Variants in PHACTR2 observed in about 807,000 individuals in gnomAD.
The protein encoded by PHACTR2 is phosphatase and actin regulator 2.
In PHACTR2, 30 loss-of-function variants were observed where a neutral mutation model predicts 76.0. The observed-to-expected ratio is 0.39, with a 90% CI of 0.30 to 0.54. The LOEUF is 0.54. Among genes scored for constraint, PHACTR2 ranks in the 20% least tolerant of loss-of-function variants. PHACTR2 has a pLI of 0.61. For missense variants in PHACTR2, 696 were observed against 781.1 expected, an observed-to-expected ratio of 0.89 and a Z score of 1.30; for synonymous variants, 292 against 292.5, an observed-to-expected ratio of 1.00 and a Z score of 0.02.
Position 143,827,176 on chromosome 6 carries a change from A to ATATATATATATATATATATATATGTATAT in PHACTR2, c.*3496_*3524dup, listed in dbSNP as rs1776558318. ...AGAAAATATATATATATATATATATATATATATATATATATATATATATGT... is the reference window on the plus strand; with the variant it reads ...AGAAAATATATATATATATATATATATATATATATATATATATATATATGTATATTATATATATATATATATATATATGT... On this transcript the variant is annotated 3_prime_UTR_variant, in exon 13 of 13. Coordinates refer to ENST00000440869, the MANE Select transcript of PHACTR2 (RefSeq NM_001100164.2). 1 of 126,452 alleles carries ATATATATATATATATATATATATGTATAT rather than the reference A, an allele frequency of 7.9e-6. No individual in the cohort carries two copies. The highest frequency in any genetic ancestry group is 3.1e-5 in the African/African-American group (1 of 32,512). The allele number at this position is 126,452 out of a possible 1,614,324, so 7.8% of individuals were successfully genotyped here.
intron 10 of PHACTR2, among the ~76,000 whole-genome samples, chr6:143,786,285 A>G (rs1775556154): frequency 3.9e-5 from 6 of 152,236 alleles, no homozygotes; most frequent in Admixed American, 3.3e-4. Flanking sequence ...TTTTTGCTAA[A>G]ACATAATAAG....
rs565000086 is a variant in PHACTR2 at position 143,753,546 on chromosome 6, G to T, written c.296-208G>T. On this transcript the variant is annotated intron_variant, in intron 3 of 12. Transcript: ENST00000440869. This position sits in a 1 kb window ranked among gnomAD's most constrained non-coding sequence, Gnocchi z 4.6. The stretch of plus-strand genomic sequence containing the variant: ...ATCATTCCTGTTGTCTTGAAATGGC[G>T]CATAGATATTCCCTCCATAGCAGCT... 1.3e-5 allele frequency among the ~76,000 whole-genome samples: 2 copies of T among 152,126 alleles called. No individual in the cohort carries two copies. Among genetic ancestry groups the T allele is most frequent in the African/African-American group, 4.8e-5 (2 of 41,422 alleles).
Position 143,679,083 on chromosome 6 carries a change from T to C in PHACTR2, c.46+874T>C, listed in dbSNP as rs1387760188. ...ACCGTTTATGTTACTCATTGAGATA[T>C]TTGATACACTTTTTAAATTGTGCAA... On this transcript the variant is annotated intron_variant, in intron 1 of 12. Coordinates refer to ENST00000440869, the MANE Select transcript of PHACTR2 (RefSeq NM_001100164.2). This position sits in a 1 kb window ranked among gnomAD's most constrained non-coding sequence, Gnocchi z 4.6. Among the ~76,000 whole-genome samples, 1 of 152,236 alleles carries C rather than the reference T, an allele frequency of 6.6e-6. No individual in the cohort carries two copies. The highest frequency in any genetic ancestry group is 1.5e-5 in the Non-Finnish European group (1 of 68,036).
intron 1 of PHACTR2, among the ~76,000 whole-genome samples, chr6:143,667,798 A>C (rs1439706059): frequency 6.6e-6 from 1 of 152,230 alleles, no homozygotes; most frequent in Non-Finnish European, 1.5e-5. Context: ...AGTTTTCTAA[A>C]TATACAATCA....
At chr6:143,636,526 C>CAGGCAGTCTATA (rs1477532318) in intron 1 of PHACTR2, among the ~76,000 whole-genome samples, 1 of 152,170 alleles carries the variant, frequency 6.6e-6, no homozygotes, top group Non-Finnish European at 1.5e-5. Context: ...TGCAGTCTAT[C>CAGGCAGTCTATA]AGGCAGTCTA....
intron 11 of PHACTR2, among the ~76,000 whole-genome samples, chr6:143,799,898 C>T (rs1407554489): frequency 1.3e-5 from 2 of 152,072 alleles, no homozygotes; most frequent in African/African-American, 4.8e-5. Context: ...CTATTAGGTC[C>T]ACTTGGTCCA....
intron 1 of PHACTR2, among the ~76,000 whole-genome samples, chr6:143,560,105 G>T (rs1009694838): frequency 4.6e-5 from 7 of 152,156 alleles, no homozygotes; most frequent in Non-Finnish European, 8.8e-5. Flanking sequence ...TTTGGGAGTT[G>T]TTTCGGGAAA....
rs1289123479 is a variant in PHACTR2, at chr6:143,571,336, A to G, written c.217+34129A>G. 1.3e-5 allele frequency among the ~76,000 whole-genome samples: 2 copies of G among 152,192 alleles called. No individual in the cohort carries two copies. Among genetic ancestry groups the G allele is most frequent in the African/African-American group, 4.8e-5 (2 of 41,456 alleles). ...AAGAGCTACCTCTTCTGAGCTATTT[A>G]TTCATTCAGTTATTTATTTGTATTA... On this transcript the variant is annotated intron_variant, in intron 1 of 11. Transcript: ENST00000367584. This position sits in a 1 kb window ranked among gnomAD's most constrained non-coding sequence, Gnocchi z 4.6.
At chr6:143,771,187 T>TATATATAC (rs1775114181) in intron 6 of PHACTR2, among the ~76,000 whole-genome samples, 1 of 34,816 alleles carries the variant, frequency 2.9e-5, no homozygotes, top group African/African-American at 1.9e-4. Context: ...TATATATATA[T>TATATATAC]ATGTGTGTAT....
At chr6:143,796,568 C>T (rs748025264) in intron 11 of PHACTR2, among the ~76,000 whole-genome samples, 7 of 152,060 alleles carry the variant, frequency 4.6e-5, no homozygotes, top group Non-Finnish European at 8.8e-5. Context: ...CCTAGTCCCC[C>T]ACCCCCTACA....
intron 2 of PHACTR2, among the ~76,000 whole-genome samples, chr6:143,746,891 C>G (rs1257316837): frequency 6.6e-6 from 1 of 151,094 alleles, no homozygotes; most frequent in Non-Finnish European, 1.5e-5. Flanking sequence ...AATTACTAAC[C>G]TTTAAGTGAG....
chr6:143,819,057 G>A lies in PHACTR2; in HGVS notation c.1923-4617G>A, dbSNP rs1456408354. 6.6e-6 allele frequency among the ~76,000 whole-genome samples: 1 copy of A among 152,006 alleles called. No homozygotes were observed. Among genetic ancestry groups the A allele is most frequent in the Middle Eastern group, 3.2e-3 (1 of 316 alleles). ...TACATTTACTTGTAATTAAGTTTAGGGGCTTCTGATTGGACTCCTCAGTCA... is the reference window on the plus strand; with the variant it reads ...TACATTTACTTGTAATTAAGTTTAGAGGCTTCTGATTGGACTCCTCAGTCA... On this transcript the variant is annotated intron_variant, in intron 12 of 12. Transcript: ENST00000440869. This position sits in a 1 kb window ranked among gnomAD's most constrained non-coding sequence, Gnocchi z 5.0.
chr6:143,655,169 A>AG (rs1354315057), intron 1 of PHACTR2, among the ~76,000 whole-genome samples: 6 of 151,656 alleles, frequency 4.0e-5, no homozygotes, highest in African/African-American at 1.5e-4. Context: ...AAAAAAAAAA[A>AG]AAAAAGAAAA....
rs1473163461 is a variant in PHACTR2, at chr6:143,696,760, CA to C, written c.47-15253del. Among the ~76,000 whole-genome samples the C allele has an allele frequency of 1.3e-5, 2 of 152,150 alleles. No individual in the cohort carries two copies. The highest frequency in any genetic ancestry group is 2.9e-5 in the Non-Finnish European group (2 of 68,010). On this transcript the variant is annotated intron_variant, in intron 1 of 12. Transcript: ENST00000440869. This position sits in a 1 kb window ranked among gnomAD's most constrained non-coding sequence, Gnocchi z 4.1. The stretch of plus-strand genomic sequence containing the variant: ...CACATAGCTAAAGAGTTAAACAAAA[CA>C]AACCATTTTCTTCTCTGGAAGCTTT...
intron 2 of PHACTR2, among the ~76,000 whole-genome samples, chr6:143,737,192 G>A (rs1397430139): frequency 6.6e-6 from 1 of 151,264 alleles, no homozygotes; most frequent in African/African-American, 2.4e-5. Context: ...TATAGGACAA[G>A]AATACTTCTA....
intron 11 of PHACTR2, among the ~76,000 whole-genome samples, chr6:143,798,207 A>G (rs2128481710): frequency 6.6e-6 from 1 of 152,074 alleles, no homozygotes; most frequent in East Asian, 1.9e-4. Flanking sequence ...TTTGTCTGTT[A>G]TTGATGTATA....
At position 143,597,107 on chromosome 6, in the gene PHACTR2, C is replaced by T. The variant is rs961744059; in HGVS notation, c.217+59900C>T. On this transcript the variant is annotated intron_variant, in intron 1 of 11. Transcript: ENST00000367584. This position sits in a 1 kb window ranked among gnomAD's most constrained non-coding sequence, Gnocchi z 5.7. The stretch of plus-strand genomic sequence containing the variant: ...CTTTCTACACTTGGCATGTATTTTC[C>T]CCTCTGTGTTCTCACGCTCCACACT... Among the ~76,000 whole-genome samples, 6 of 152,164 alleles carry T rather than the reference C, an allele frequency of 3.9e-5. No individual in the cohort carries two copies. The highest frequency in any genetic ancestry group is 2.1e-4 in the South Asian group (1 of 4,832).
chr6:143,711,882 G>C (rs1199013737), intron 1 of PHACTR2, 134 bp from the exon 2 acceptor site: 3 of 824,252 alleles, frequency 3.6e-6, no homozygotes, highest in Non-Finnish European at 6.4e-6. Flanking sequence ...TGTGAAATGG[G>C]ACAAATAAAC....
intron 1 of PHACTR2, among the ~76,000 whole-genome samples, chr6:143,563,551 CAAAAAAAAA>C (rs76587878): frequency 1.3e-4 from 4 of 29,970 alleles, no homozygotes; most frequent in African/African-American, 3.3e-4. Flanking sequence ...AACTCCGTCT[CAAAAAAAAA>C]AAAAAAAAAA....
Sources: gnomAD v4.1 joint callset for allele counts (sites outside exome capture counted in the v4.1 genomes callset) on GRCh38, gnomAD v4.1.1 for gene constraint, Gnocchi (gnomAD v3.1) non-coding constraint, MANE v1.5 for transcripts, NCBI Gene and HGNC (gene_info 2026-07-23, HGNC 2026-07-21) for gene names.